The following MEGF9 variants were observed in gnomAD, a reference collection of about 807,000 sequenced individuals.
MEGF9 encodes the protein multiple EGF like domains 9.
MEGF9 carries 6 observed loss-of-function variants against 46.8 expected under a neutral mutation model. The ratio of observed to expected loss-of-function variants is 0.13; its 90% CI spans 0.07 to 0.25. The LOEUF (loss-of-function observed/expected upper bound fraction) is 0.25, where lower values mean the gene tolerates loss of function less well. Among genes scored for constraint, MEGF9 ranks in the 10% least tolerant of loss-of-function variants. The pLI, the probability that MEGF9 is intolerant of heterozygous loss-of-function variation, is 1.00. For missense variants in MEGF9, 683 were observed against 792.4 expected, an observed-to-expected ratio of 0.86 and a Z score of 1.66; for synonymous variants, 302 against 330.7, an observed-to-expected ratio of 0.91 and a Z score of 0.94.
At chr9:120,633,511 G>C (rs1474962921) in intron 2 of MEGF9, among the ~76,000 whole-genome samples, 4 of 151,580 alleles carry the variant, frequency 2.6e-5, no homozygotes, top group African/African-American at 9.7e-5. Flanking sequence ...TCTAGCTGAT[G>C]GTTTCTCAAT....
intron 4 of MEGF9, among the ~76,000 whole-genome samples, chr9:120,611,389 C>A (rs1468453188): frequency 6.6e-6 from 1 of 152,018 alleles, no homozygotes; most frequent in African/African-American, 2.4e-5. Flanking sequence ...TGGGGTATAA[C>A]ACAATAATAT....
chr9:120,660,601 A>G (rs895990396), intron 1 of MEGF9, among the ~76,000 whole-genome samples: 7 of 152,272 alleles, frequency 4.6e-5, no homozygotes, highest in Admixed American at 2.0e-4. Context: ...GCAGTCAGAC[A>G]GTTCTTTGGA....
chr9:120,710,566 C>T (rs1465796920), intron 1 of MEGF9, among the ~76,000 whole-genome samples: 1 of 152,046 alleles, frequency 6.6e-6, no homozygotes, highest in Non-Finnish European at 1.5e-5. Flanking sequence ...AAAAAGGGCC[C>T]TAACTGAGGG....
intron 1 of MEGF9, among the ~76,000 whole-genome samples, chr9:120,693,405 C>T (rs2043860297): frequency 6.6e-6 from 1 of 152,064 alleles, no homozygotes; most frequent in South Asian, 2.1e-4. Flanking sequence ...GCTTTAGTCC[C>T]TGAAGACCAT....
intron 1 of MEGF9, among the ~76,000 whole-genome samples, chr9:120,660,330 C>G (rs986361774): frequency 2.9e-4 from 44 of 152,186 alleles, no homozygotes; most frequent in African/African-American, 1.1e-3. Flanking sequence ...CATAGGCATG[C>G]AATGTGTAAT....
intron 1 of MEGF9, among the ~76,000 whole-genome samples, chr9:120,693,856 A>C (rs2043861943): frequency 6.6e-6 from 1 of 152,088 alleles, no homozygotes; most frequent in Admixed American, 6.6e-5. Context: ...AACTTTACTC[A>C]TCTGACTCAT....
chr9:120,702,353 A>G (rs971521800), intron 1 of MEGF9, among the ~76,000 whole-genome samples: 2 of 152,214 alleles, frequency 1.3e-5, no homozygotes, highest in East Asian at 1.9e-4. Context: ...TTGATCTTAT[A>G]TAAGTAAAGA....
At chr9:120,634,666 C>A (rs966384666) in intron 2 of MEGF9, among the ~76,000 whole-genome samples, 1 of 151,842 alleles carries the variant, frequency 6.6e-6, no homozygotes, top group African/African-American at 2.4e-5. Flanking sequence ...TAGGCCATAT[C>A]TTTTTATCCA....
intron 4 of MEGF9, among the ~76,000 whole-genome samples, chr9:120,611,932 G>A (rs1392258435): frequency 2.0e-5 from 3 of 151,938 alleles, no homozygotes; most frequent in African/African-American, 4.8e-5. Context: ...GCACCACCCA[G>A]CTAAGCTGCT....
At chr9:120,683,179 G>A (rs1348381797) in intron 1 of MEGF9, among the ~76,000 whole-genome samples, 1 of 152,174 alleles carries the variant, frequency 6.6e-6, no homozygotes, top group East Asian at 1.9e-4. Flanking sequence ...CACCTGGAGA[G>A]TACAGTAACA....
At chr9:120,640,551 T>C (rs142746092) in intron 2 of MEGF9, among the ~76,000 whole-genome samples, 41 of 152,250 alleles carry the variant, frequency 2.7e-4, no homozygotes, top group African/African-American at 9.4e-4. Context: ...TGGCATGTGA[T>C]AGGCATGCAA....
chr9:120,663,902 A>T lies in MEGF9; in HGVS notation c.602-4327T>A, dbSNP rs1447652404. ...TTTTATCGCCTGGCTTCTGAAGAAC[A>T]ATAAAATATAGTGATTTTCACCCTG... On this transcript the variant is annotated intron_variant, in intron 1 of 5. Coordinates refer to ENST00000373930, the MANE Select transcript of MEGF9 (RefSeq NM_001080497.3). 3.9e-5 allele frequency among the ~76,000 whole-genome samples: 6 copies of T among 152,224 alleles called. No homozygotes were observed. The East Asian group carries it at 1.2e-3, about 29-fold the overall frequency.
In MEGF9 at chr9:120,605,751, T is replaced by G; in HGVS notation, c.1358-110A>C. On this transcript the variant is annotated intron_variant, in intron 5 of 5. Coordinates refer to ENST00000373930, the MANE Select transcript of MEGF9 (RefSeq NM_001080497.3). This position sits in a 1 kb window ranked among gnomAD's most constrained non-coding sequence, Gnocchi z 4.0. ...ATGTTGATGTAGGATGTTAACATGATATTCTGCTTTAAGGTAATGCAAGTT... is the reference window on the plus strand; with the variant it reads ...ATGTTGATGTAGGATGTTAACATGAGATTCTGCTTTAAGGTAATGCAAGTT... 1.3e-6 allele frequency: 1 copy of G among 779,538 alleles called. No homozygotes were observed. The highest frequency in any genetic ancestry group is 1.8e-5 in the African/African-American group (1 of 57,032). The allele number at this position is 779,538 out of a possible 1,614,324, so 48.3% of individuals were successfully genotyped here.
At chr9:120,636,830 C>T (rs1161365615) in intron 2 of MEGF9, among the ~76,000 whole-genome samples, 2 of 147,956 alleles carry the variant, frequency 1.4e-5, no homozygotes, top group African/African-American at 4.8e-5. Flanking sequence ...GGCGCCCCCG[C>T]CCGGCAGCCG....
chr9:120,614,832 T>G (rs1299141206), intron 3 of MEGF9, among the ~76,000 whole-genome samples: 1 of 151,452 alleles, frequency 6.6e-6, no homozygotes. Context: ...AAAATTTGGA[T>G]GTTCAGGGTA....
At chr9:120,618,435 C>T (rs1587974796) in intron 3 of MEGF9, among the ~76,000 whole-genome samples, 1 of 152,090 alleles carries the variant, frequency 6.6e-6, no homozygotes, top group Admixed American at 6.5e-5. Context: ...ACTATGAATA[C>T]ATAAAGGTAC....
chr9:120,626,492 AC>A (rs2043526212), intron 2 of MEGF9, among the ~76,000 whole-genome samples: 1 of 152,260 alleles, frequency 6.6e-6, no homozygotes, highest in African/African-American at 2.4e-5. Context: ...AACATATTTT[AC>A]AACACTAATA....
At chr9:120,666,433 G>A (rs891232292) in intron 1 of MEGF9, among the ~76,000 whole-genome samples, 1 of 152,154 alleles carries the variant, frequency 6.6e-6, no homozygotes, top group Non-Finnish European at 1.5e-5. Context: ...AAGCAAAACT[G>A]TACTTTGAAA....
At chr9:120,700,504 A>G (rs187265539) in intron 1 of MEGF9, among the ~76,000 whole-genome samples, 10 of 152,324 alleles carry the variant, frequency 6.6e-5, no homozygotes, top group Non-Finnish European at 1.2e-4. Flanking sequence ...AACTGATAAA[A>G]CACACTGTAG....
Sources: allele counts gnomAD v4.1 joint callset (sites outside exome capture counted in the v4.1 genomes callset), GRCh38; gene constraint gnomAD v4.1.1; non-coding constraint Gnocchi (gnomAD v3.1); transcripts MANE v1.5; gene names NCBI Gene and HGNC (gene_info 2026-07-23, HGNC 2026-07-21).